CAVIN1: variants seen among roughly 807,000 people sequenced by gnomAD.
CAVIN1 encodes the protein caveolae-associated protein 1.
Under a neutral mutation model 24.0 loss-of-function variants are expected in CAVIN1, and 16 were observed. The ratio of observed to expected loss-of-function variants is 0.67; its 90% CI spans 0.45 to 1.01. The LOEUF (loss-of-function observed/expected upper bound fraction) is 1.01, where lower values mean the gene tolerates loss of function less well. Ranked by LOEUF, CAVIN1 falls within the 50% of genes least tolerant of loss-of-function variation. CAVIN1 has a pLI of 0.00. For missense variants in CAVIN1, 510 were observed against 551.7 expected (o/e 0.92, Z 0.76); for synonymous variants, 256 against 256.4 (o/e 1.00, Z 0.02).
chr17:42,409,417 CTGGATT>C (rs2085463478), intron 1 of CAVIN1, among the ~76,000 whole-genome samples: 1 of 152,100 alleles, frequency 6.6e-6, no homozygotes. Flanking sequence ...AGGTTTATTC[CTGGATT>C]TAGAAATCTC....
Position 42,405,320 on chromosome 17 carries a change from C to T in CAVIN1, c.540G>A (p.Glu180=), listed in dbSNP as rs143511306. The change falls in exon 2 of 2, where the codon GAG becomes GAA. Residue 180 remains glutamate, a synonymous_variant. Transcript: ENST00000357037. ...CCTCGCCCAGCTCCTCGCCCTCCTT[C>T]TCTGGCAGCGCCTCCGACTCTTTCA... ...KSLKESEALP[E]KEGEELGEGE... 3,468 of 1,611,220 alleles carry T rather than the reference C, an allele frequency of 2.2e-3. 2 individuals carry two copies. Among genetic ancestry groups the T allele is most frequent in the Non-Finnish European group, 2.8e-3 (3,261 of 1,179,978 alleles).
chr17:42,406,173 G>C (rs2085445489), intron 1 of CAVIN1, among the ~76,000 whole-genome samples: 1 of 152,064 alleles, frequency 6.6e-6, no homozygotes, highest in African/African-American at 2.4e-5. Flanking sequence ...AAACCACTAC[G>C]GCCCTCGGGA....
intron 1 of CAVIN1, among the ~76,000 whole-genome samples, chr17:42,416,450 C>T (rs945430594): frequency 6.6e-6 from 1 of 151,752 alleles, no homozygotes; most frequent in South Asian, 2.1e-4. Flanking sequence ...ATTAGCTGGG[C>T]ATGGTGGCTT....
At position 42,422,729 on chromosome 17, in the gene CAVIN1, G is replaced by A. The variant is rs368132736; in HGVS notation, c.369C>T (p.Thr123=). Residue 123 remains threonine (T), a synonymous_variant, in exon 1 of 2, where the codon ACC becomes ACT. Transcript: ENST00000357037. ...KVRKVSVNVK[T]VRGSLERQAG... ...CCTGGCGCTCCAGGCTGCCGCGCAC[G>A]GTCTTCACGTTGACGCTGACCTTGC... The A allele has an allele frequency of 6.2e-7, 1 of 1,610,666 alleles. No individual in the cohort carries two copies. Among genetic ancestry groups the A allele is most frequent in the South Asian group, 1.1e-5 (1 of 90,522 alleles).
At chr17:42,420,229 C>G (rs8065702) in intron 1 of CAVIN1, among the ~76,000 whole-genome samples, 77,298 of 152,042 alleles carry the variant, frequency 0.51, 21,487 homozygotes, top group Admixed American at 0.66. Context: ...CCAACATCCT[C>G]CCCCTTCAGC....
At chr17:42,413,632 C>A (rs1845548067) in intron 1 of CAVIN1, among the ~76,000 whole-genome samples, 1 of 129,198 alleles carries the variant, frequency 7.7e-6, no homozygotes, top group African/African-American at 2.8e-5. Context: ...GTGGGGCAAA[C>A]TCAAGCCCAA....
At chr17:42,421,502 TAGGAGCATCAGC>T (rs2085545097) in intron 1 of CAVIN1, among the ~76,000 whole-genome samples, 1 of 152,014 alleles carries the variant, frequency 6.6e-6, no homozygotes, top group Non-Finnish European at 1.5e-5. Context: ...TCCCTGGGGT[TAGGAGCATCAGC>T]AGGCCTTTGG....
intron 1 of CAVIN1, chr17:42,411,859 C>T (rs2085480801): frequency 2.0e-6 from 2 of 985,266 alleles, no homozygotes; most frequent in African/African-American, 3.5e-5. Flanking sequence ...CCCTCCCATC[C>T]CCACTGTATA....
At chr17:42,409,837 G>C (rs1399117287) in intron 1 of CAVIN1, among the ~76,000 whole-genome samples, 1 of 152,082 alleles carries the variant, frequency 6.6e-6, no homozygotes, top group Admixed American at 6.6e-5. Flanking sequence ...GGCAAGGAGG[G>C]ACGGCTCTGC....
At position 42,422,798 on chromosome 17, in the gene CAVIN1, G is replaced by T; in HGVS notation, c.300C>A (p.His100Gln). The part of the protein sequence containing the change: ...QGELSKLGKA[H>Q]ATTSNTVSKL... ...TGCTCACCGTATTGCTCGTGGTGGC[G>T]TGCGCCTTGCCCAGCTTGCTCAGCT... is the stretch of plus-strand genomic sequence containing the variant. The change falls in exon 1 of 2, where the codon CAC becomes CAA. Residue 100 changes from histidine (H) to glutamine (Q), a missense_variant. Transcript: ENST00000357037. 1 of 1,613,710 alleles carries T rather than the reference G, an allele frequency of 6.2e-7. No individual in the cohort carries two copies. Among genetic ancestry groups the T allele is most frequent in the Non-Finnish European group, 8.5e-7 (1 of 1,179,888 alleles).
intron 1 of CAVIN1, among the ~76,000 whole-genome samples, chr17:42,410,401 AC>A (rs989263489): frequency 1.3e-5 from 2 of 151,720 alleles, no homozygotes; most frequent in Admixed American, 1.3e-4. Context: ...GAGATGAGAG[AC>A]CCCAAGGGCA....
chr17:42,409,913 C>T (rs1321324321), intron 1 of CAVIN1, among the ~76,000 whole-genome samples: 1 of 152,054 alleles, frequency 6.6e-6, no homozygotes, highest in Non-Finnish European at 1.5e-5. Context: ...TCCAGAGTTA[C>T]CTTTAATGAC....
rs201945184 is a variant in CAVIN1 at position 42,404,758 on chromosome 17, C to T, written c.1102G>A (p.Asp368Asn). The change falls in exon 2 of 2, where the codon GAC becomes AAC. Residue 368 changes from aspartate (D) to asparagine (N), a missense_variant. Asp to Asn is a conservative substitution (Grantham distance 23). Transcript: ENST00000357037. ...AGDLRRGSSP[D>N]VHALLEITEE... ...GTGATCTCCAGCAGCGCGTGCACGT[C>T]GGGGCTGCTCCCGCGCCGCAGGTCG... 31 of 1,559,320 alleles carry T rather than the reference C, an allele frequency of 2.0e-5. No individual in the cohort carries two copies. In the African/African-American group the frequency reaches 2.2e-4, roughly 11 times the overall value.
chr17:42,417,186 G>T (rs1049626305), intron 1 of CAVIN1, among the ~76,000 whole-genome samples: 1 of 152,168 alleles, frequency 6.6e-6, no homozygotes, highest in African/African-American at 2.4e-5. Flanking sequence ...GGTTGTGGTG[G>T]CTTATGCCTG....
At position 42,422,854 on chromosome 17, in the gene CAVIN1, T is replaced by A. The variant is rs1015225505; in HGVS notation, c.244A>T (p.Met82Leu). 3.1e-6 allele frequency: 5 copies of A among 1,613,512 alleles called. No individual in the cohort carries two copies. Among genetic ancestry groups the A allele is most frequent in the Non-Finnish European group, 4.2e-6 (5 of 1,179,940 alleles). The change falls in exon 1 of 2, where the codon ATG becomes TTG. Residue 82 changes from methionine (M) to leucine (L), a missense_variant. Coordinates refer to ENST00000357037, the MANE Select transcript of CAVIN1 (RefSeq NM_012232.6). ...QAQLEERQAE[M>L]EGAVQSIQGE... ...TGGATGCTCTGCACTGCGCCCTCCA[T>A]CTCCGCCTGCCGCTCCTCCAGCTGT...
At chr17:42,421,857 C>A (rs1293999426) in intron 1 of CAVIN1, among the ~76,000 whole-genome samples, 2 of 152,102 alleles carry the variant, frequency 1.3e-5, no homozygotes, top group Non-Finnish European at 2.9e-5. Flanking sequence ...CCCGCAGGGG[C>A]TGTCCACCCA....
intron 1 of CAVIN1, 87 bp from the exon 2 acceptor site, chr17:42,405,475 G>C (rs984243387): frequency 7.1e-7 from 1 of 1,409,658 alleles, no homozygotes; most frequent in Non-Finnish European, 9.9e-7. Context: ...ATCCTGGAGA[G>C]AGGGGAGCAT....
At chr17:42,409,187 A>G (rs2085462270) in intron 1 of CAVIN1, among the ~76,000 whole-genome samples, 2 of 150,342 alleles carry the variant, frequency 1.3e-5, no homozygotes, top group South Asian at 2.1e-4. Context: ...TACAGCCTCA[A>G]CCTCCTGGGC....
Position 42,404,079 on chromosome 17 carries a change from C to CTGGGACCCT in CAVIN1, c.*607_*608insAGGGTCCCA, listed in dbSNP as rs1340154534. Reference sequence around the variant, plus strand: ...CTCCTTCCCAGGGCTTCTCTTGGCTCCAGCGTTCCTCTGGGACCCTCTGCA... The same window carrying CTGGGACCCT: ...CTCCTTCCCAGGGCTTCTCTTGGCTCTGGGACCCTCAGCGTTCCTCTGGGACCCTCTGCA... On this transcript the variant is annotated 3_prime_UTR_variant, in exon 2 of 2. Coordinates refer to ENST00000357037, the MANE Select transcript of CAVIN1 (RefSeq NM_012232.6). 1 of 153,214 alleles carries CTGGGACCCT rather than the reference C, an allele frequency of 6.5e-6. No individual in the cohort carries two copies. Among genetic ancestry groups the CTGGGACCCT allele is most frequent in the Non-Finnish European group, 1.5e-5 (1 of 68,736 alleles). 9.5% of individuals were successfully genotyped at this position (153,214 alleles called of 1,614,324 possible). A position where few individuals can be genotyped will look rare whatever the true frequency, so the allele number is the denominator to read the frequency against.
Sources: gnomAD v4.1 joint callset for allele counts (sites outside exome capture counted in the v4.1 genomes callset) on GRCh38, gnomAD v4.1.1 for gene constraint, MANE v1.5 for transcripts, NCBI Gene and HGNC (gene_info 2026-07-23, HGNC 2026-07-21) for gene names.